Variants in SNTG2 observed in about 807,000 individuals in gnomAD.
SNTG2 encodes the protein gamma-2-syntrophin.
A neutral mutation model predicts 70.9 loss-of-function variants in SNTG2; 74 were observed. The ratio of observed to expected loss-of-function variants is 1.04; its 90% CI spans 0.86 to 1.27. The LOEUF is 1.27. SNTG2 is among the 50% of genes most tolerant of loss of function. The pLI is 0.00. For synonymous variants in SNTG2, 278 were observed against 273.8 expected (o/e 1.02, Z -0.15); for missense variants, 717 against 690.7 (o/e 1.04, Z -0.43).
At chr2:1,302,919 G>C (rs973960859) in intron 14 of SNTG2, among the ~76,000 whole-genome samples, 1 of 151,978 alleles carries the variant, frequency 6.6e-6, no homozygotes, top group African/African-American at 2.4e-5. Flanking sequence ...ATGATGAGAG[G>C]CTCAGTCCAC....
intron 6 of SNTG2, among the ~76,000 whole-genome samples, chr2:1,165,003 G>A (rs762458772): frequency 5.3e-5 from 8 of 152,222 alleles, no homozygotes; most frequent in Admixed American, 2.6e-4. Context: ...TTTAGATGCT[G>A]TGTTGAAACG....
At chr2:1,278,342 C>A (rs1373202157) in intron 14 of SNTG2, among the ~76,000 whole-genome samples, 1 of 152,032 alleles carries the variant, frequency 6.6e-6, no homozygotes, top group Non-Finnish European at 1.5e-5. Context: ...GTACGAGGTG[C>A]TAATGACGTA....
At chr2:1,367,038 C>T (rs1199207059) in intron 16 of SNTG2, among the ~76,000 whole-genome samples, 1 of 152,184 alleles carries the variant, frequency 6.6e-6, no homozygotes, top group African/African-American at 2.4e-5. Context: ...AATCAAGACC[C>T]ATCACTGAAG....
intron 8 of SNTG2, among the ~76,000 whole-genome samples, chr2:1,194,559 G>C (rs1009581948): frequency 8.5e-5 from 13 of 152,090 alleles, no homozygotes; most frequent in African/African-American, 3.1e-4. Context: ...TTTCAACTAA[G>C]ATTTCTTAGT....
At chr2:1,308,624 C>G (rs1051305950) in intron 15 of SNTG2, 38 bp downstream of exon 15, 1 of 1,501,054 alleles carries the variant, frequency 6.7e-7, no homozygotes. Flanking sequence ...GCCCCATTGC[C>G]ATGTGCTTGG....
intron 9 of SNTG2, among the ~76,000 whole-genome samples, chr2:1,226,007 G>GAAA (rs879492996): frequency 2.2e-5 from 3 of 137,400 alleles, no homozygotes; most frequent in South Asian, 2.3e-4. Context: ...CTGGAAAAAA[G>GAAA]AAAAAAAAAA....
chr2:1,268,107 G>A (rs1190906499), intron 14 of SNTG2, among the ~76,000 whole-genome samples: 1 of 152,198 alleles, frequency 6.6e-6, no homozygotes, highest in Non-Finnish European at 1.5e-5. Flanking sequence ...TGTATACCAT[G>A]TGAAGGGATG....
intron 6 of SNTG2, among the ~76,000 whole-genome samples, chr2:1,138,533 A>C (rs1017338948): frequency 1.3e-5 from 2 of 152,080 alleles, no homozygotes; most frequent in Non-Finnish European, 2.9e-5. Context: ...AGGTGGAGAC[A>C]GTATTACAGC....
chr2:1,030,161 G>C (rs561880244), intron 1 of SNTG2, among the ~76,000 whole-genome samples: 1 of 152,284 alleles, frequency 6.6e-6, no homozygotes, highest in East Asian at 1.9e-4. Context: ...TGCATGCACT[G>C]GTTGTTGCTT....
chr2:1,330,303 C>T (rs1017880086), intron 16 of SNTG2, among the ~76,000 whole-genome samples: 16 of 152,158 alleles, frequency 1.1e-4, no homozygotes, highest in Admixed American at 9.2e-4. Flanking sequence ...CTCTCCTAAG[C>T]TAAGTGCATC....
At chr2:1,141,835 G>A (rs924341045) in intron 6 of SNTG2, among the ~76,000 whole-genome samples, 1 of 152,140 alleles carries the variant, frequency 6.6e-6, no homozygotes, top group Non-Finnish European at 1.5e-5. Context: ...TGAGACAAGT[G>A]TGGGATGAGT....
chr2:1,133,947 C>T (rs959197444), intron 4 of SNTG2, among the ~76,000 whole-genome samples: 5 of 152,088 alleles, frequency 3.3e-5, no homozygotes, highest in Admixed American at 6.6e-5. Context: ...ATGGCGTGTC[C>T]GGAGTTTGTT....
chr2:1,278,371 T>A (rs1017232838), intron 14 of SNTG2, among the ~76,000 whole-genome samples: 5 of 152,122 alleles, frequency 3.3e-5, no homozygotes, highest in African/African-American at 1.2e-4. Context: ...TCTGACCATA[T>A]CAGTTACTGC....
intron 2 of SNTG2, among the ~76,000 whole-genome samples, chr2:1,096,677 G>A (rs1478891538): frequency 6.6e-6 from 1 of 152,192 alleles, no homozygotes; most frequent in African/African-American, 2.4e-5. Context: ...GCTGAAGGAT[G>A]TTCCATTCGG....
At chr2:1,363,369 T>G (rs992085645) in intron 16 of SNTG2, among the ~76,000 whole-genome samples, 4 of 152,206 alleles carry the variant, frequency 2.6e-5, no homozygotes, top group Non-Finnish European at 4.4e-5. Context: ...CCTCTTTGGA[T>G]ATCCCTATAA....
chr2:1,181,270 T>G (rs1671875947), intron 8 of SNTG2, among the ~76,000 whole-genome samples: 1 of 152,122 alleles, frequency 6.6e-6, no homozygotes, highest in African/African-American at 2.4e-5. Context: ...AAGAGTGTGT[T>G]TTATGGTACC....
chr2:998,759 A>G (rs962256591), intron 1 of SNTG2, among the ~76,000 whole-genome samples: 5 of 152,166 alleles, frequency 3.3e-5, no homozygotes, highest in African/African-American at 4.8e-5. Flanking sequence ...CTGGAGATTT[A>G]GACCTCCAGA....
chr2:1,204,056 G>A (rs962297331), intron 8 of SNTG2, among the ~76,000 whole-genome samples: 4 of 152,114 alleles, frequency 2.6e-5, no homozygotes, highest in African/African-American at 9.7e-5. Flanking sequence ...TGCATCATTC[G>A]ATTAATACCG....
intron 1 of SNTG2, among the ~76,000 whole-genome samples, chr2:1,026,986 T>C (rs1448094001): frequency 1.3e-5 from 2 of 152,212 alleles, no homozygotes; most frequent in Non-Finnish European, 2.9e-5. Context: ...CACAGTAACT[T>C]GGCTCAGCCT....
Sources: gnomAD v4.1 joint callset for allele counts (sites outside exome capture counted in the v4.1 genomes callset) on GRCh38, gnomAD v4.1.1 for gene constraint, MANE v1.5 for transcripts, NCBI Gene and HGNC (gene_info 2026-07-23, HGNC 2026-07-21) for gene names.